The following LPIN1 variants were observed in gnomAD, a reference collection of about 807,000 sequenced individuals.
LPIN1 encodes phosphatidate phosphatase LPIN1.
A neutral mutation model predicts 107.5 loss-of-function variants in LPIN1; 71 were observed. The observed-to-expected ratio is 0.66, with a 90% CI of 0.55 to 0.80. LPIN1 has a LOEUF of 0.80. Among genes scored for constraint, LPIN1 ranks in the 30% least tolerant of loss-of-function variants. LPIN1 has a pLI of 0.00. For missense variants in LPIN1, 1,043 were observed against 1,160.6 expected (o/e 0.90, Z 1.47); for synonymous variants, 445 against 452.6 (o/e 0.98, Z 0.21).
At chr2:11,792,035 C>T in intron 13 of LPIN1, 29 bp downstream of exon 13, 4 of 1,592,242 alleles carry the variant, frequency 2.5e-6, no homozygotes, top group Non-Finnish European at 3.4e-6. Flanking sequence ...GCAGTGCTCA[C>T]ACTTAGCAAG....
chr2:11,759,133 TTTTC>T (rs201897285), intron 1 of LPIN1, among the ~76,000 whole-genome samples: 30,025 of 131,218 alleles, frequency 0.23, 3,328 homozygotes, highest in Middle Eastern at 0.28. Flanking sequence ...GCTTTCTTTC[TTTTC>T]TTTCTTTCTT....
At chr2:11,759,477 T>G (rs1669281271) in intron 1 of LPIN1, among the ~76,000 whole-genome samples, 1 of 152,152 alleles carries the variant, frequency 6.6e-6, no homozygotes, top group Non-Finnish European at 1.5e-5. Context: ...CAGCACATGT[T>G]TCATGGAGCA....
At chr2:11,800,884 G>A (rs1455250971) in intron 14 of LPIN1, among the ~76,000 whole-genome samples, 1 of 152,124 alleles carries the variant, frequency 6.6e-6, no homozygotes, top group Admixed American at 6.5e-5. Flanking sequence ...TATATACTGG[G>A]TATCAGCCCC....
chr2:11,819,290 T>C, intron 18 of LPIN1, 194 bp from the exon 19 acceptor site: 1 of 577,646 alleles, frequency 1.7e-6, no homozygotes, highest in Non-Finnish European at 3.1e-6. Context: ...GTGTTTTCTT[T>C]TGTAGAAAGA....
intron 14 of LPIN1, among the ~76,000 whole-genome samples, chr2:11,796,426 A>G (rs542983730): frequency 1.2e-4 from 18 of 152,178 alleles, no homozygotes; most frequent in African/African-American, 4.1e-4. Context: ...ATTCTTTGCT[A>G]CAAACAGAAA....
chr2:11,794,882 G>A (rs1676398106), intron 13 of LPIN1, among the ~76,000 whole-genome samples: 1 of 152,194 alleles, frequency 6.6e-6, no homozygotes, highest in Non-Finnish European at 1.5e-5. Flanking sequence ...TTGTAAGCAA[G>A]AGAAACAAGA....
upstream of LPIN1, among the ~76,000 whole-genome samples, chr2:11,743,418 C>T (rs1666567822): frequency 6.6e-6 from 1 of 152,178 alleles, no homozygotes; most frequent in Non-Finnish European, 1.5e-5. This position sits in a 1 kb window ranked among gnomAD's most constrained non-coding sequence, Gnocchi z 4.7. Flanking sequence ...AACTTCCCTG[C>T]TCAGCCAGCC....
At position 11,815,225 on chromosome 2, in the gene LPIN1, TCTC is replaced by T. The variant is rs1478983130; in HGVS notation, c.2388_2390del (p.Ser797del). On this transcript the variant is annotated inframe_deletion, in exon 18 of 21. Coordinates refer to ENST00000674199, the MANE Select transcript of LPIN1 (RefSeq NM_001349206.2). ...CTGCTGCTGAGTCCCAGCAGCCTCT[TCTC>T]TGCCCTGCACAGGTACCAGGCCTGC... 8 of 1,613,934 alleles carry T rather than the reference TCTC, an allele frequency of 5.0e-6. No homozygotes were observed. The highest frequency in any genetic ancestry group is 1.3e-5 in the African/African-American group (1 of 74,910).
At chr2:11,758,082 A>G (rs1463798461) in intron 1 of LPIN1, among the ~76,000 whole-genome samples, 3 of 152,242 alleles carry the variant, frequency 2.0e-5, no homozygotes, top group Admixed American at 6.5e-5. Context: ...TCATCTACAC[A>G]GTAGCATGTA....
intron 1 of LPIN1, among the ~76,000 whole-genome samples, chr2:11,737,692 T>G (rs1222609641): frequency 2.0e-5 from 3 of 152,178 alleles, no homozygotes; most frequent in African/African-American, 7.2e-5. Context: ...TGAGATACCA[T>G]CTCACGCCAG....
intron 1 of LPIN1, among the ~76,000 whole-genome samples, chr2:11,748,444 A>G (rs966953949): frequency 2.6e-5 from 4 of 152,228 alleles, no homozygotes; most frequent in Non-Finnish European, 5.9e-5. Context: ...CAGTTTTCCC[A>G]TCTGTAAAAT....
At chr2:11,783,358 C>CACTTT (rs1192074640) in intron 8 of LPIN1, among the ~76,000 whole-genome samples, 1 of 152,138 alleles carries the variant, frequency 6.6e-6, no homozygotes, top group African/African-American at 2.4e-5. Context: ...ACACTTCAGG[C>CACTTT]ACTTTACAGA....
intron 1 of LPIN1, among the ~76,000 whole-genome samples, chr2:11,686,993 C>CT (rs141927239): frequency 0.017 from 1,427 of 85,110 alleles, 7 homozygotes; most frequent in Non-Finnish European, 0.022. Context: ...GCTTTTGATC[C>CT]TTTTTTTTTT....
intron 19 of LPIN1, 108 bp from the exon 20 acceptor site, chr2:11,820,303 T>C (rs1681293553): frequency 4.0e-6 from 3 of 745,830 alleles, no homozygotes; most frequent in Non-Finnish European, 7.2e-6. Flanking sequence ...GAGGTAGAGC[T>C]CTGGTTAATG....
At chr2:11,798,894 G>A (rs532867853) in intron 14 of LPIN1, among the ~76,000 whole-genome samples, 20 of 152,126 alleles carry the variant, frequency 1.3e-4, no homozygotes, top group South Asian at 4.1e-4. Context: ...TTAAAATAGC[G>A]TTTGAAAAAC....
intron 1 of LPIN1, among the ~76,000 whole-genome samples, chr2:11,737,091 A>C (rs1398836497): frequency 1.3e-5 from 2 of 152,246 alleles, no homozygotes; most frequent in South Asian, 4.1e-4. Context: ...GACATCTACA[A>C]CCATCTGATC....
intron 17 of LPIN1, among the ~76,000 whole-genome samples, chr2:11,808,775 G>A (rs993410410): frequency 1.3e-5 from 2 of 151,654 alleles, no homozygotes; most frequent in Non-Finnish European, 2.9e-5. Flanking sequence ...TCGGGAGGCT[G>A]AGGCAGAATT....
In LPIN1 at chr2:11,765,674, T is replaced by C. The variant is rs1345572623; in HGVS notation, c.133T>C (p.Cys45Arg). Residue 45 changes from cysteine to arginine, a missense_variant, in exon 2 of 21, where the codon TGC becomes CGC. Transcript: ENST00000674199. This position sits in a 1 kb window ranked among gnomAD's most constrained non-coding sequence, Gnocchi z 4.4. ...CCGCCAGCCCAATGGAAACCTCCAA[T>C]GCTCCCCTTTCCACGTCCGCTTTGG... ...VIRQPNGNLQCSPFHVRFGKM... is the reference protein window; with the variant it reads ...VIRQPNGNLQRSPFHVRFGKM... 2 of 1,613,858 alleles carry C rather than the reference T, an allele frequency of 1.2e-6. No individual in the cohort carries two copies. Among genetic ancestry groups the C allele is most frequent in the Non-Finnish European group, 1.7e-6 (2 of 1,179,870 alleles).
In LPIN1 at chr2:11,792,022, A is replaced by G. The variant is rs926671436; in HGVS notation, c.1806+16A>G. On this transcript the variant is annotated intron_variant, in intron 13 of 20. Coordinates refer to ENST00000674199, the MANE Select transcript of LPIN1 (RefSeq NM_001349206.2). ...AATCAAGGAGGTAAGCCCAGAAGAC[A>G]AAGCAGTGCTCACACTTAGCAAGTG... The G allele has an allele frequency of 6.2e-7, 1 of 1,606,720 alleles. No homozygotes were observed. Among genetic ancestry groups the G allele is most frequent in the Admixed American group, 1.7e-5 (1 of 59,866 alleles).
Sources: gnomAD v4.1 joint callset for allele counts (sites outside exome capture counted in the v4.1 genomes callset) on GRCh38, gnomAD v4.1.1 for gene constraint, Gnocchi (gnomAD v3.1) non-coding constraint, MANE v1.5 for transcripts, NCBI Gene and HGNC (gene_info 2026-07-23, HGNC 2026-07-21) for gene names.